Variants in VWF observed in about 807,000 individuals in gnomAD.
The protein encoded by VWF is Factor VIII related antigen.
Under a neutral mutation model 308.6 loss-of-function variants are expected in VWF, and 176 were observed. The ratio of observed to expected loss-of-function variants is 0.57; its 90% CI spans 0.50 to 0.65. The LOEUF (loss-of-function observed/expected upper bound fraction) is 0.65, where lower values mean the gene tolerates loss of function less well. Ranked by LOEUF, VWF falls within the 30% of genes least tolerant of loss-of-function variation. The pLI, the probability that VWF is intolerant of heterozygous loss-of-function variation, is 0.00. For synonymous variants in VWF, 1,385 were observed against 1,443.4 expected (o/e 0.96, Z 0.92); for missense variants, 3,146 against 3,648.2 (o/e 0.86, Z 3.55).
At chr12:6,084,223 C>T (rs2136484828) in intron 6 of VWF, among the ~76,000 whole-genome samples, 1 of 152,346 alleles carries the variant, frequency 6.6e-6, no homozygotes, top group Non-Finnish European at 1.5e-5. Context: ...TCTCATTTGC[C>T]TGCAATCGGT....
chr12:6,077,754 T>A (rs1406442715), intron 6 of VWF, among the ~76,000 whole-genome samples: 3 of 152,126 alleles, frequency 2.0e-5, no homozygotes, highest in Non-Finnish European at 4.4e-5. Context: ...ACATGCAGCC[T>A]TCCATTGGTC....
intron 31 of VWF, among the ~76,000 whole-genome samples, chr12:6,014,001 C>T (rs1463460682): frequency 6.6e-6 from 1 of 151,966 alleles, no homozygotes; most frequent in Non-Finnish European, 1.5e-5. Flanking sequence ...TGAGAATGCC[C>T]AGGGCTGAGG....
intron 3 of VWF, among the ~76,000 whole-genome samples, chr12:6,115,320 T>G (rs1451735865): frequency 2.0e-5 from 3 of 152,220 alleles, no homozygotes; most frequent in Non-Finnish European, 2.9e-5. Context: ...ATTATAGGCA[T>G]GAGTAACTGT....
intron 44 of VWF, among the ~76,000 whole-genome samples, 196 bp downstream of exon 44, chr12:5,971,403 A>C (rs995441036): frequency 4.6e-5 from 7 of 152,176 alleles, no homozygotes; most frequent in Non-Finnish European, 7.3e-5. Flanking sequence ...AATCTACAAA[A>C]TGGGAAGGCT....
rs1943202680 is a variant in VWF, at chr12:5,952,467, T to A, written c.8039A>T (p.Glu2680Val). The A allele has an allele frequency of 6.2e-7, 1 of 1,614,020 alleles. No individual in the cohort carries two copies. The highest frequency in any genetic ancestry group is 1.3e-5 in the African/African-American group (1 of 74,932). Reference sequence around the variant, plus strand: ...CTTCTCCCAGAAGTACTCTCCTCTCTCATTGACCTTGCAGAAGTGAGTATC... The same window carrying A: ...CTTCTCCCAGAAGTACTCTCCTCTCACATTGACCTTGCAGAAGTGAGTATC... ...GCDTHFCKVN[E>V]RGEYFWEKRV... is the part of the protein sequence containing the mutation. The change falls in exon 49 of 52, where the codon GAG becomes GTG. Residue 2680 changes from glutamate (E) to valine (V), a missense_variant. Coordinates refer to ENST00000261405, the MANE Select transcript of VWF (RefSeq NM_000552.5).
chr12:6,065,543 G>A (rs1460806990), intron 10 of VWF, among the ~76,000 whole-genome samples: 1 of 152,212 alleles, frequency 6.6e-6, no homozygotes. Context: ...AGTCAGTGGT[G>A]GAACCACGCA....
At chr12:6,023,414 A>G (rs1944152439) in intron 25 of VWF, among the ~76,000 whole-genome samples, 1 of 152,170 alleles carries the variant, frequency 6.6e-6, no homozygotes, top group African/African-American at 2.4e-5. Flanking sequence ...AAGTCTCCAC[A>G]TGTTCATGCC....
chr12:5,973,293 G>A (rs1415165772), intron 43 of VWF, among the ~76,000 whole-genome samples: 2 of 152,088 alleles, frequency 1.3e-5, no homozygotes, highest in African/African-American at 4.8e-5. Context: ...CCCTTCTCCT[G>A]GCTCTCTTCT....
At chr12:6,112,852 A>ACACACACC (rs1488406586) in intron 3 of VWF, among the ~76,000 whole-genome samples, 27 of 147,322 alleles carry the variant, frequency 1.8e-4, no homozygotes, top group African/African-American at 7.0e-4. Context: ...ACACACACAC[A>ACACACACC]CCACACGCAC....
chr12:5,988,362 A>G (rs986230737), intron 38 of VWF, among the ~76,000 whole-genome samples: 1 of 152,120 alleles, frequency 6.6e-6, no homozygotes, highest in African/African-American at 2.4e-5. Flanking sequence ...GGGAAGGTGG[A>G]GGGAGGGGCC....
At chr12:5,972,028 C>T (rs1255414957) in intron 43 of VWF, among the ~76,000 whole-genome samples, 1 of 152,102 alleles carries the variant, frequency 6.6e-6, no homozygotes, top group African/African-American at 2.4e-5. Flanking sequence ...TAATCTGGCC[C>T]TTATCATGGC....
chr12:6,071,255 G>C (rs376410074), intron 10 of VWF, 42 bp downstream of exon 10: 1 of 1,607,888 alleles, frequency 6.2e-7, no homozygotes, highest in Non-Finnish European at 8.5e-7. Flanking sequence ...ACGCCTCCCC[G>C]ATTCAGGGAA....
At chr12:6,034,169 G>A (rs544548194) in intron 20 of VWF, among the ~76,000 whole-genome samples, 12 of 152,182 alleles carry the variant, frequency 7.9e-5, no homozygotes, top group South Asian at 6.2e-4. Context: ...TTAAAATGGC[G>A]GAGAATTCCA....
chr12:5,990,555 A>T lies in VWF; in HGVS notation c.6798+1264T>A, dbSNP rs557571009. ...GTCACTCTACTTGGTCCACTTAGCA[A>T]GAATGGTCCTCCTTGGCGATGAAGA... On this transcript the variant is annotated intron_variant, in intron 38 of 51. Coordinates refer to ENST00000261405, the MANE Select transcript of VWF (RefSeq NM_000552.5). Among the ~76,000 whole-genome samples, 3 of 152,294 alleles carry T rather than the reference A, an allele frequency of 2.0e-5. No individual in the cohort carries two copies. In the East Asian group the frequency reaches 5.8e-4, roughly 29 times the overall value.
At chr12:5,961,603 A>C (rs1943317458) in intron 47 of VWF, among the ~76,000 whole-genome samples, 1 of 151,884 alleles carries the variant, frequency 6.6e-6, no homozygotes, top group South Asian at 2.1e-4. Flanking sequence ...AAAAAAAAAA[A>C]AACACTATTA....
rs765163545 is a variant in VWF at position 6,034,803 on chromosome 12, T to C, written c.2570A>G (p.Asn857Ser). ...NTCVCQDRKWNCTDHVCDATC... is the reference protein window; with the variant it reads ...NTCVCQDRKWSCTDHVCDATC... Reference sequence around the variant, plus strand: ...GGCATCACACACATGGTCTGTGCAGTTCCACTTCCGGTCCTGACAGACACT... The same window carrying C: ...GGCATCACACACATGGTCTGTGCAGCTCCACTTCCGGTCCTGACAGACACT... Residue 857 changes from asparagine (N) to serine (S), a missense_variant, in exon 20 of 52, where the codon AAC (asparagine) becomes AGC (serine). Asn to Ser is a conservative substitution (Grantham distance 46). This residue lies in a region of VWF where 1,304 missense variants were observed against 1,353.0 expected (regional missense o/e 0.96). Coordinates refer to ENST00000261405, the MANE Select transcript of VWF (RefSeq NM_000552.5). The C allele has an allele frequency of 2.7e-5, 44 of 1,614,114 alleles. No individual in the cohort carries two copies. The highest frequency in any genetic ancestry group is 1.6e-4 in the Middle Eastern group (1 of 6,084).
Position 6,110,567 on chromosome 12 carries a change from A to T in VWF, c.339T>A (p.Tyr113Ter). The change falls in exon 5 of 52, where the codon TAT becomes TAA. Residue 113 changes from tyrosine (Y) to a stop codon, truncating the protein, a stop_gained. Transcript: ENST00000261405. LOFTEE classifies it high-confidence loss of function. ...TTTCTAGATACAGCCCTTTGGAGGC[A>T]TAGGGCATGGAGACTCTGGAGGGCA... The part of the protein sequence containing the change: ...TQGDQRVSMP[Y>*]ASKGLYLETE... The T allele has an allele frequency of 6.2e-7, 1 of 1,614,170 alleles. No homozygotes were observed. The highest frequency in any genetic ancestry group is 8.5e-7 in the Non-Finnish European group (1 of 1,180,022).
chr12:5,951,919 C>G (rs1404336101), intron 49 of VWF, 36 bp from the exon 50 acceptor site: 2 of 1,612,780 alleles, frequency 1.2e-6, no homozygotes, highest in Admixed American at 3.3e-5. Flanking sequence ...TAGGCACAAA[C>G]AGTACAGAGT....
At chr12:6,029,224 G>T in intron 22 of VWF, 118 bp downstream of exon 22, 1 of 1,296,762 alleles carries the variant, frequency 7.7e-7, no homozygotes, top group Non-Finnish European at 1.1e-6. Flanking sequence ...AAATATATAT[G>T]CACCCAACAC....
Sources: allele counts gnomAD v4.1 joint callset (sites outside exome capture counted in the v4.1 genomes callset), GRCh38; gene constraint gnomAD v4.1.1; regional missense constraint gnomAD v4.1.1; transcripts MANE v1.5; gene names NCBI Gene and HGNC (gene_info 2026-07-23, HGNC 2026-07-21).